The following PDS5B variants were observed in gnomAD, a reference collection of about 807,000 sequenced individuals.
The protein encoded by PDS5B is sister chromatid cohesion protein PDS5 homolog B.
A neutral mutation model predicts 184.1 loss-of-function variants in PDS5B; 51 were observed. The ratio of observed to expected loss-of-function variants is 0.28; its 90% CI spans 0.22 to 0.35. The LOEUF (loss-of-function observed/expected upper bound fraction) is 0.35. PDS5B is among the 10% of genes least tolerant of loss of function. The probability of loss-of-function intolerance (pLI) is 1.00; values close to 1 mark genes in which losing one functional copy is unlikely to be tolerated. For synonymous variants in PDS5B, 566 were observed against 569.2 expected (o/e 0.99, Z 0.08); for missense variants, 1,180 against 1,723.3 (o/e 0.68, Z 5.58).
chr13:32,611,427 T>C (rs2058139735), intron 1 of PDS5B, among the ~76,000 whole-genome samples: 1 of 152,154 alleles, frequency 6.6e-6, no homozygotes, highest in Admixed American at 6.5e-5. Flanking sequence ...TCTTGTCTTT[T>C]TCTACTCCAT....
intron 18 of PDS5B, among the ~76,000 whole-genome samples, chr13:32,708,085 TG>T (rs1952082471): frequency 4.4e-3 from 1 of 226 alleles, no homozygotes; most frequent in Non-Finnish European, 0.011. Flanking sequence ...CTGCATAAAC[TG>T]CCCCCTTAGT....
At chr13:32,670,502 A>T (rs554252796) in intron 7 of PDS5B, among the ~76,000 whole-genome samples, 1 of 152,348 alleles carries the variant, frequency 6.6e-6, no homozygotes, top group East Asian at 1.9e-4. Context: ...TGCTAAGATT[A>T]TAGGCGTGAA....
At chr13:32,715,564 C>T (rs1238788812) in intron 19 of PDS5B, among the ~76,000 whole-genome samples, 1 of 152,088 alleles carries the variant, frequency 6.6e-6, no homozygotes, top group African/African-American at 2.4e-5. Context: ...AGACAAAAAC[C>T]TAACAGACTC....
chr13:32,750,628 G>T (rs1354367481), intron 24 of PDS5B, among the ~76,000 whole-genome samples: 1 of 149,862 alleles, frequency 6.7e-6, no homozygotes. Context: ...TGTAACCTCT[G>T]CCTCCCGGGT....
chr13:32,701,268 A>G lies in PDS5B; in HGVS notation c.1741-55A>G, dbSNP rs1951853940. The G allele has an allele frequency of 1.7e-4, 157 of 900,098 alleles. 4 individuals are homozygous for G. The South Asian group carries it at 2.2e-3, about 13-fold the overall frequency. The allele number at this position is 900,098 out of a possible 1,614,324, so 55.8% of individuals were successfully genotyped here. On this transcript the variant is annotated intron_variant, in intron 16 of 34. Transcript: ENST00000315596. ...ATTATTGTTGGTTCTTAATATTTTA[A>G]CATAATGATTTGTTTAAATGTACTT... is the stretch of plus-strand genomic sequence containing the variant.
rs571156802 is a variant in PDS5B, at chr13:32,686,988, TGTA to T, written c.1204-142_1204-140del. On this transcript the variant is annotated intron_variant, in intron 11 of 34. Transcript: ENST00000315596. ...GATAGTTGTGTTTTTTTTTAATAAA[TGTA>T]GTAATTATAAATTGATATTTAGTAT... 1.5e-3 allele frequency: 889 copies of T among 600,728 alleles called. 1 individual carries two copies. The highest frequency in any genetic ancestry group is 2.3e-3 in the Non-Finnish European group (774 of 342,656). The allele number at this position is 600,728 out of a possible 1,614,324, so 37.2% of individuals were successfully genotyped here.
chr13:32,678,992 A>G lies in PDS5B; in HGVS notation c.1057+63A>G. 4.6e-6 allele frequency: 4 copies of G among 878,188 alleles called. No individual in the cohort carries two copies. In the South Asian group the frequency reaches 6.3e-5, roughly 14 times the overall value. 54.4% of individuals were successfully genotyped at this position (878,188 alleles called of 1,614,324 possible). A position where few individuals can be genotyped will look rare whatever the true frequency, so the allele number is the denominator to read the frequency against. ...TCTTCAGTGGAAAAAAATAAGTTTC[A>G]TAGGGGGAAAAAAAACCCCTTTTTT... On this transcript the variant is annotated intron_variant, in intron 10 of 34. Coordinates refer to ENST00000315596, the MANE Select transcript of PDS5B (RefSeq NM_015032.4).
intron 17 of PDS5B, among the ~76,000 whole-genome samples, chr13:32,706,305 A>C (rs1007388301): frequency 4.6e-5 from 7 of 151,052 alleles, no homozygotes; most frequent in Admixed American, 2.0e-4. Context: ...TAAATAAATA[A>C]ATAAATAAAT....
intron 19 of PDS5B, among the ~76,000 whole-genome samples, chr13:32,713,944 G>A (rs1315400770): frequency 6.6e-6 from 1 of 152,086 alleles, no homozygotes; most frequent in Middle Eastern, 3.2e-3. Context: ...TTTCCTAAGC[G>A]GCGGCCGGCT....
Position 32,622,821 on chromosome 13 carries a change from T to C in PDS5B, c.-19-25933T>C, listed in dbSNP as rs931502432. On this transcript the variant is annotated intron_variant, in intron 1 of 34. Coordinates refer to ENST00000315596, the MANE Select transcript of PDS5B (RefSeq NM_015032.4). ...AAAAATTTGTTTGGTCTGATGAGAATGTAGGTGCCTGTTACAACCCATTGA... is the reference window on the plus strand; with the variant it reads ...AAAAATTTGTTTGGTCTGATGAGAACGTAGGTGCCTGTTACAACCCATTGA... 3.9e-5 allele frequency among the ~76,000 whole-genome samples: 6 copies of C among 152,232 alleles called. No homozygotes were observed. The South Asian group carries it at 1.2e-3, about 31-fold the overall frequency.
chr13:32,692,025 A>C (rs1390708347), intron 13 of PDS5B, among the ~76,000 whole-genome samples: 1 of 152,072 alleles, frequency 6.6e-6, no homozygotes, highest in African/African-American at 2.4e-5. Context: ...ATGCATTTAA[A>C]TTACATTCTA....
chr13:32,703,367 C>G (rs1951917752), intron 17 of PDS5B, among the ~76,000 whole-genome samples: 1 of 152,040 alleles, frequency 6.6e-6, no homozygotes, highest in African/African-American at 2.4e-5. Context: ...GACAAAGAGA[C>G]TGAAAACCAG....
At chr13:32,683,808 G>A (rs1320753783) in intron 10 of PDS5B, 70 bp from the exon 11 acceptor site, 5 of 989,060 alleles carry the variant, frequency 5.1e-6, no homozygotes, top group Non-Finnish European at 7.7e-6. Flanking sequence ...TATTTTCAAG[G>A]GTATCATGCA....
intron 1 of PDS5B, among the ~76,000 whole-genome samples, chr13:32,629,468 T>C (rs1027066505): frequency 6.6e-6 from 1 of 152,178 alleles, no homozygotes; most frequent in Non-Finnish European, 1.5e-5. Context: ...TTGGCTTGCA[T>C]TGAGGGATAA....
intron 1 of PDS5B, among the ~76,000 whole-genome samples, chr13:32,639,146 A>C (rs2058615892): frequency 6.6e-6 from 1 of 150,474 alleles, no homozygotes; most frequent in Non-Finnish European, 1.5e-5. Flanking sequence ...GAATTACTTT[A>C]AAGAGATTTA....
intron 1 of PDS5B, among the ~76,000 whole-genome samples, chr13:32,639,301 G>GT (rs894333101): frequency 1.3e-5 from 2 of 152,014 alleles, no homozygotes; most frequent in Non-Finnish European, 2.9e-5. Context: ...AAGTGACCAT[G>GT]TTTGCCCTTT....
chr13:32,679,643 A>T (rs117407112), intron 10 of PDS5B, among the ~76,000 whole-genome samples: 8,324 of 149,926 alleles, frequency 0.056, 267 homozygotes, highest in African/African-American at 0.077. Flanking sequence ...TATCTCAAAA[A>T]AAAAAAAAAA....
intron 16 of PDS5B, chr13:32,701,075 A>G (rs1399208624): frequency 2.0e-5 from 5 of 252,302 alleles, no homozygotes; most frequent in Admixed American, 5.0e-5. Context: ...TTTTTATTCC[A>G]AATGTCTATC....
At chr13:32,724,960 G>A (rs139243458) in intron 19 of PDS5B, among the ~76,000 whole-genome samples, 93 of 152,206 alleles carry the variant, frequency 6.1e-4, no homozygotes, top group African/African-American at 2.2e-3. Context: ...ATTTTTACAG[G>A]ACTATTTTAT....
Sources: gnomAD v4.1 joint callset for allele counts (sites outside exome capture counted in the v4.1 genomes callset) on GRCh38, gnomAD v4.1.1 for gene constraint, MANE v1.5 for transcripts, NCBI Gene and HGNC (gene_info 2026-07-23, HGNC 2026-07-21) for gene names.